DACH2: variants seen among roughly 807,000 people sequenced by gnomAD.
DACH2 encodes dachshund homolog 2.
A neutral mutation model predicts 35.8 loss-of-function variants in DACH2; 17 were observed. That is an observed-to-expected ratio of 0.48 (90% CI 0.33 to 0.71). DACH2 has a LOEUF of 0.71. DACH2 is among the 30% of genes least tolerant of loss of function. The probability of loss-of-function intolerance (pLI) is 0.02; values close to 1 mark genes in which losing one functional copy is unlikely to be tolerated. For missense variants in DACH2, 469 were observed against 472.7 expected (o/e 0.99, Z 0.07); for synonymous variants, 195 against 177.3 (o/e 1.10, Z -0.79).
intron 1 of DACH2, among the ~76,000 whole-genome samples, chrX:86,269,953 T>C (rs901901583): frequency 5.6e-5 from 6 of 106,654 alleles, no homozygotes; most frequent in African/African-American, 2.0e-4. Context: ...TATAAAACAA[T>C]TCTTCACCCA....
intron 1 of DACH2, among the ~76,000 whole-genome samples, chrX:86,334,709 G>A (rs1179148187): frequency 1.8e-5 from 2 of 111,742 alleles, no homozygotes; most frequent in Non-Finnish European, 3.8e-5. Context: ...TCTGTAGGTT[G>A]CCTGTTCACT....
intron 2 of DACH2, among the ~76,000 whole-genome samples, chrX:86,419,480 T>C (rs771976920): frequency 9.0e-6 from 1 of 111,606 alleles, no homozygotes; most frequent in Admixed American, 9.5e-5. Flanking sequence ...TCTCCATTTT[T>C]AAAACCATCA....
intron 2 of DACH2, among the ~76,000 whole-genome samples, chrX:86,413,619 G>T (rs2067100880): frequency 1.8e-5 from 2 of 111,594 alleles, no homozygotes; most frequent in African/African-American, 6.5e-5. Flanking sequence ...CTGGGTCTCT[G>T]CAGTCCCTCC....
At chrX:86,791,099 G>A (rs1285112572) in intron 7 of DACH2, among the ~76,000 whole-genome samples, 11 of 111,235 alleles carry the variant, frequency 9.9e-5, no homozygotes, top group Admixed American at 6.7e-4. Flanking sequence ...TCTCCATGTT[G>A]AGTAGGCTGA....
intron 1 of DACH2, among the ~76,000 whole-genome samples, chrX:86,269,624 T>C (rs5967697): frequency 0.48 from 52,933 of 109,936 alleles, 9,414 homozygotes; most frequent in South Asian, 0.57. Flanking sequence ...TGCTGTTCTT[T>C]AAGGGCAGGG....
chrX:86,197,908 T>C lies in DACH2; in HGVS notation c.488+48800T>C, dbSNP rs1458846011. Among the ~76,000 whole-genome samples the C allele has an allele frequency of 2.7e-5, 3 of 111,882 alleles. No homozygotes were observed. In the East Asian group the frequency reaches 8.4e-4, roughly 31 times the overall value. On this transcript the variant is annotated intron_variant, in intron 1 of 11. Coordinates refer to ENST00000373125, the MANE Select transcript of DACH2 (RefSeq NM_053281.3). Reference sequence around the variant, plus strand: ...GACCTGAACTCAGCTCTGAATCAAGTGGATCTGGTAGATTTCTACAGAACT... The same window carrying C: ...GACCTGAACTCAGCTCTGAATCAAGCGGATCTGGTAGATTTCTACAGAACT...
At chrX:86,403,294 G>T (rs2036467080) in intron 2 of DACH2, among the ~76,000 whole-genome samples, 2 of 111,589 alleles carry the variant, frequency 1.8e-5, no homozygotes, top group African/African-American at 3.3e-5. Flanking sequence ...ATCTGTCAAA[G>T]GTCTAATATA....
intron 5 of DACH2, among the ~76,000 whole-genome samples, chrX:86,707,642 C>T (rs966825738): frequency 9.1e-6 from 1 of 110,306 alleles, no homozygotes; most frequent in South Asian, 3.8e-4. Context: ...ACCGCCCAGG[C>T]GCGGTGGCCC....
At chrX:86,299,133 A>G (rs1306507574) in intron 1 of DACH2, among the ~76,000 whole-genome samples, 4 of 112,426 alleles carry the variant, frequency 3.6e-5, no homozygotes, top group Admixed American at 9.5e-5. Flanking sequence ...TCTGATTTGT[A>G]CCCAAATATT....
Position 86,517,478 on chromosome X carries a change from G to A in DACH2, c.640+3087G>A, listed in dbSNP as rs183295742. ...GTCGCCCAGGCTGGAGTGCAGTGGTGCAATCTCGGCTCACTGCAACCTCTG... is the reference window on the plus strand; with the variant it reads ...GTCGCCCAGGCTGGAGTGCAGTGGTACAATCTCGGCTCACTGCAACCTCTG... On this transcript the variant is annotated intron_variant, in intron 3 of 11. Transcript: ENST00000373125. Among the ~76,000 whole-genome samples, 468 of 105,207 alleles carry A rather than the reference G, an allele frequency of 4.4e-3. 1 individual carries two copies. Among genetic ancestry groups the A allele is most frequent in the Non-Finnish European group, 5.5e-3 (284 of 51,380 alleles). The allele number at this position is 105,207 out of a possible 115,157, so 91.4% of individuals were successfully genotyped here.
In DACH2 at chrX:86,449,325, G is replaced by C. The variant is rs373816132; in HGVS notation, c.528-64954G>C. Among the ~76,000 whole-genome samples the C allele has an allele frequency of 1.5e-3, 139 of 95,559 alleles. 1 individual carries two copies. Among genetic ancestry groups the C allele is most frequent in the East Asian group, 3.8e-3 (11 of 2,932 alleles). 83.0% of individuals were successfully genotyped at this position (95,559 alleles called of 115,157 possible). A position where few individuals can be genotyped will look rare whatever the true frequency, so the allele number is the denominator to read the frequency against. The stretch of plus-strand genomic sequence containing the variant: ...AGTTCTGCTCTGATTTTAGTTATTT[G>C]TTGCCTTCTGCTAGCTTTTGAATGT... On this transcript the variant is annotated intron_variant, in intron 2 of 11. Coordinates refer to ENST00000373125, the MANE Select transcript of DACH2 (RefSeq NM_053281.3).
chrX:86,520,013 T>A (rs1291591335), intron 3 of DACH2, among the ~76,000 whole-genome samples: 2 of 111,467 alleles, frequency 1.8e-5, no homozygotes, highest in African/African-American at 3.3e-5. Context: ...TAATTTGAGA[T>A]CTTTCTAACT....
intron 1 of DACH2, among the ~76,000 whole-genome samples, chrX:86,289,536 G>C (rs998057397): frequency 9.5e-6 from 1 of 104,875 alleles, no homozygotes; most frequent in African/African-American, 3.5e-5. Context: ...TCATCATCTA[G>C]CATTAGGTAT....
At chrX:86,209,301 A>G (rs1024664947) in intron 1 of DACH2, among the ~76,000 whole-genome samples, 28 of 111,598 alleles carry the variant, frequency 2.5e-4, no homozygotes, top group African/African-American at 8.1e-4. Flanking sequence ...AACATCTTCC[A>G]TGGTACGTTA....
rs189839548 is a variant in DACH2, at chrX:86,488,990, C to T, written c.528-25289C>T. Among the ~76,000 whole-genome samples, 35 of 111,335 alleles carry T rather than the reference C, an allele frequency of 3.1e-4. 1 individual carries two copies. The South Asian group carries it at 3.3e-3, about 11-fold the overall frequency. ...TTATTTCAACTCCTGATGATGCAAGCACATATCTATAAGGCAGGCAGTCAG... is the reference window on the plus strand; with the variant it reads ...TTATTTCAACTCCTGATGATGCAAGTACATATCTATAAGGCAGGCAGTCAG... On this transcript the variant is annotated intron_variant, in intron 2 of 11. Transcript: ENST00000373125.
chrX:86,435,556 T>A (rs900200614), intron 2 of DACH2, among the ~76,000 whole-genome samples: 8 of 111,802 alleles, frequency 7.2e-5, no homozygotes, highest in Admixed American at 2.9e-4. Context: ...TCATACAAAG[T>A]TTGATTTCAA....
chrX:86,174,235 G>C, intron 1 of DACH2, among the ~76,000 whole-genome samples: 1 of 104,340 alleles, frequency 9.6e-6, no homozygotes, highest in East Asian at 3.1e-4. Context: ...CGATCATACT[G>C]CCTCAGCCTC....
intron 7 of DACH2, among the ~76,000 whole-genome samples, chrX:86,805,165 A>G (rs1231089513): frequency 8.9e-6 from 1 of 112,564 alleles, no homozygotes; most frequent in African/African-American, 3.2e-5. Context: ...AGGCTTTTCC[A>G]CACATTCTCT....
intron 1 of DACH2, among the ~76,000 whole-genome samples, chrX:86,315,346 T>A (rs967143480): frequency 8.9e-6 from 1 of 112,158 alleles, no homozygotes; most frequent in Non-Finnish European, 1.9e-5. Context: ...TACTGTTCAT[T>A]GACAAAGCAT....
Sources: allele counts gnomAD v4.1 joint callset (sites outside exome capture counted in the v4.1 genomes callset), GRCh38; gene constraint gnomAD v4.1.1; transcripts MANE v1.5; gene names NCBI Gene and HGNC (gene_info 2026-07-23, HGNC 2026-07-21).